DPYD: variants seen among roughly 807,000 people sequenced by gnomAD.
DPYD encodes the protein dihydropyrimidine dehydrogenase [NADP(+)].
Under a neutral mutation model 116.2 loss-of-function variants are expected in DPYD, and 109 were observed. The ratio of observed to expected loss-of-function variants is 0.94; its 90% CI spans 0.80 to 1.10. DPYD has a LOEUF of 1.10. Among genes scored for constraint, DPYD ranks in the 50% least tolerant of loss-of-function variants. The pLI is 0.00. For synonymous variants in DPYD, 440 were observed against 432.0 expected, an observed-to-expected ratio of 1.02 and a Z score of -0.23; for missense variants, 1,302 against 1,254.5, an observed-to-expected ratio of 1.04 and a Z score of -0.57.
intron 3 of DPYD, among the ~76,000 whole-genome samples, chr1:97,793,831 C>T (rs139220381): frequency 6.6e-6 from 1 of 152,062 alleles, no homozygotes; most frequent in African/African-American, 2.4e-5. Context: ...GATATGACAC[C>T]AAAATACACA....
intron 20 of DPYD, among the ~76,000 whole-genome samples, chr1:97,129,607 C>T (rs1032892913): frequency 2.6e-5 from 4 of 152,060 alleles, no homozygotes; most frequent in Admixed American, 1.3e-4. Context: ...GTGGCTCTTC[C>T]GCAGGTTTCA....
chr1:97,291,385 C>T (rs1417045829), intron 18 of DPYD, among the ~76,000 whole-genome samples: 3 of 151,894 alleles, frequency 2.0e-5, no homozygotes, highest in Non-Finnish European at 4.4e-5. Flanking sequence ...GACACATGCA[C>T]ACGTATGTTT....
chr1:97,575,644 T>A (rs556889141), intron 10 of DPYD, among the ~76,000 whole-genome samples: 2 of 152,330 alleles, frequency 1.3e-5, no homozygotes, highest in South Asian at 2.1e-4. Flanking sequence ...ACATGTGGGA[T>A]GTTATGCTGG....
chr1:97,594,827 T>C (rs773087876), intron 9 of DPYD, among the ~76,000 whole-genome samples: 9 of 152,106 alleles, frequency 5.9e-5, no homozygotes, highest in Non-Finnish European at 1.2e-4. Flanking sequence ...AGTTTAGACA[T>C]ATATATTACA....
chr1:97,318,466 G>A (rs543595219), intron 16 of DPYD, among the ~76,000 whole-genome samples: 1 of 151,792 alleles, frequency 6.6e-6, no homozygotes, highest in African/African-American at 2.4e-5. Flanking sequence ...AACCAACAAA[G>A]ATCAAAAGGG....
At chr1:97,265,808 CTCTA>C (rs1439444157) in intron 18 of DPYD, among the ~76,000 whole-genome samples, 1 of 152,130 alleles carries the variant, frequency 6.6e-6, no homozygotes. Context: ...CAAACATGTA[CTCTA>C]TCTACTCATA....
At chr1:97,854,441 C>T (rs1356188117) in intron 2 of DPYD, among the ~76,000 whole-genome samples, 4 of 152,210 alleles carry the variant, frequency 2.6e-5, no homozygotes, top group Middle Eastern at 3.4e-3. Context: ...TTCAAAGAGC[C>T]ATCCACTACA....
chr1:97,783,237 T>A (rs1666852934), intron 3 of DPYD, among the ~76,000 whole-genome samples: 1 of 152,186 alleles, frequency 6.6e-6, no homozygotes, highest in Admixed American at 6.5e-5. Flanking sequence ...GTATTGATCA[T>A]CCTACTTAAA....
At chr1:97,696,403 G>C (rs1661309243) in intron 6 of DPYD, among the ~76,000 whole-genome samples, 1 of 152,044 alleles carries the variant, frequency 6.6e-6, no homozygotes, top group South Asian at 2.1e-4. Flanking sequence ...AGAGGTCAGG[G>C]CAGATATGGA....
intron 12 of DPYD, among the ~76,000 whole-genome samples, chr1:97,535,155 A>G (rs1296558357): frequency 6.6e-6 from 1 of 152,098 alleles, no homozygotes; most frequent in Non-Finnish European, 1.5e-5. Flanking sequence ...TCAGGATGCC[A>G]TTATACCATC....
chr1:97,099,504 T>C (rs1486487477), intron 20 of DPYD, among the ~76,000 whole-genome samples: 1 of 152,124 alleles, frequency 6.6e-6, no homozygotes, highest in Non-Finnish European at 1.5e-5. Flanking sequence ...TCCCCTCTTC[T>C]AGAAACTTTG....
chr1:97,362,540 T>C (rs549484762), intron 16 of DPYD, among the ~76,000 whole-genome samples: 10 of 152,270 alleles, frequency 6.6e-5, no homozygotes, highest in African/African-American at 2.2e-4. Context: ...TCACACTACC[T>C]GACTTCAAAC....
At chr1:97,908,642 T>C (rs1029515281) in intron 1 of DPYD, among the ~76,000 whole-genome samples, 7 of 152,176 alleles carry the variant, frequency 4.6e-5, no homozygotes, top group Admixed American at 3.9e-4. Context: ...CCCTTGGTTA[T>C]AGTCTTGACT....
chr1:97,598,844 G>A (rs1392338145), intron 8 of DPYD, among the ~76,000 whole-genome samples: 5 of 152,262 alleles, frequency 3.3e-5, no homozygotes, highest in African/African-American at 4.8e-5. Context: ...TAAGTAACTC[G>A]CTGAAGGATC....
intron 13 of DPYD, among the ~76,000 whole-genome samples, chr1:97,490,762 T>C (rs1231863001): frequency 6.6e-6 from 1 of 150,698 alleles, no homozygotes; most frequent in Admixed American, 6.6e-5. Context: ...ATTCCTCAAC[T>C]TAATTTCTTC....
chr1:97,242,150 AT>A (rs1248298506), intron 18 of DPYD, among the ~76,000 whole-genome samples: 65 of 132,646 alleles, frequency 4.9e-4, no homozygotes, highest in Non-Finnish European at 9.9e-4. Flanking sequence ...ATATATATAT[AT>A]ATATATATAT....
chr1:97,464,749 C>T (rs1677218330), intron 13 of DPYD, among the ~76,000 whole-genome samples: 2 of 152,166 alleles, frequency 1.3e-5, no homozygotes, highest in African/African-American at 2.4e-5. Flanking sequence ...CTTGGATGCC[C>T]AGGGCAGCAA....
At chr1:97,521,578 C>CA (rs1648665696) in intron 12 of DPYD, among the ~76,000 whole-genome samples, 1 of 151,792 alleles carries the variant, frequency 6.6e-6, no homozygotes, top group Admixed American at 6.6e-5. Context: ...CATATGGAAC[C>CA]AAAAAAGAGC....
chr1:97,282,287 T>C (rs1330475729), intron 18 of DPYD, among the ~76,000 whole-genome samples: 1 of 152,110 alleles, frequency 6.6e-6, no homozygotes, highest in Non-Finnish European at 1.5e-5. Flanking sequence ...TCTTCTAATT[T>C]TGTTCTTTTT....
Sources: allele counts gnomAD v4.1 joint callset (sites outside exome capture counted in the v4.1 genomes callset), GRCh38; gene constraint gnomAD v4.1.1; transcripts MANE v1.5; gene names NCBI Gene and HGNC (gene_info 2026-07-23, HGNC 2026-07-21).